MROH9: variants seen among roughly 807,000 people sequenced by gnomAD.
The protein encoded by MROH9 is maestro heat-like repeat-containing protein family member 9.
A neutral mutation model predicts 98.2 loss-of-function variants in MROH9; 92 were observed. That is an observed-to-expected ratio of 0.94 (90% CI 0.79 to 1.11). MROH9 has a LOEUF of 1.11. Ranked by LOEUF, MROH9 falls within the 50% of genes most tolerant of loss-of-function variation. MROH9 has a pLI of 0.00. For synonymous variants in MROH9, 397 were observed against 368.9 expected, an observed-to-expected ratio of 1.08 and a Z score of -0.87; for missense variants, 1,057 against 1,014.8, an observed-to-expected ratio of 1.04 and a Z score of -0.57.
At chr1:170,941,478 C>A (rs1468288026) in intron 1 of MROH9, among the ~76,000 whole-genome samples, 2 of 152,050 alleles carry the variant, frequency 1.3e-5, no homozygotes, top group African/African-American at 4.8e-5. Context: ...ATTTAATAGG[C>A]CTCCTATCTG....
intron 12 of MROH9, among the ~76,000 whole-genome samples, chr1:170,993,539 C>A (rs951262025): frequency 2.0e-5 from 3 of 152,116 alleles, no homozygotes; most frequent in African/African-American, 2.4e-5. Flanking sequence ...TCTATGAGTG[C>A]ATGTGAAATA....
intron 21 of MROH9, 81 bp from the exon 22 acceptor site, chr1:171,064,018 G>A (rs781383266): frequency 1.2e-4 from 162 of 1,367,110 alleles, no homozygotes; most frequent in Non-Finnish European, 1.6e-4. Flanking sequence ...TCTGTGAAAG[G>A]TGGCAGGGCT....
intron 1 of MROH9, among the ~76,000 whole-genome samples, chr1:170,936,323 T>C (rs1346640070): frequency 6.6e-6 from 1 of 152,126 alleles, no homozygotes; most frequent in Non-Finnish European, 1.5e-5. Flanking sequence ...TCCAGCCTGG[T>C]TCTGAGGATC....
At chr1:171,003,663 C>G (rs1404786148) in intron 15 of MROH9, among the ~76,000 whole-genome samples, 1 of 152,122 alleles carries the variant, frequency 6.6e-6, no homozygotes, top group Non-Finnish European at 1.5e-5. Context: ...GTGCAATGGA[C>G]TCTGTGAGGA....
intron 20 of MROH9, among the ~76,000 whole-genome samples, chr1:171,052,208 T>C (rs1195671991): frequency 6.6e-6 from 1 of 152,240 alleles, no homozygotes; most frequent in Admixed American, 6.5e-5. Flanking sequence ...TGATGATCTT[T>C]TGTATTCCTG....
chr1:170,938,986 C>G (rs755390230), intron 1 of MROH9, among the ~76,000 whole-genome samples: 5 of 152,162 alleles, frequency 3.3e-5, no homozygotes, highest in Admixed American at 6.5e-5. Context: ...TGCTCATGAG[C>G]CTATTGGGTG....
chr1:171,025,158 G>A (rs563493520), intron 19 of MROH9, among the ~76,000 whole-genome samples, 160 bp from the exon 20 acceptor site: 69 of 152,294 alleles, frequency 4.5e-4, no homozygotes, highest in African/African-American at 1.6e-3. Context: ...ATCAAAGAAT[G>A]GAAAAAGAGA....
intron 20 of MROH9, among the ~76,000 whole-genome samples, chr1:171,041,408 T>TACACAC (rs137951871): frequency 0.11 from 10,948 of 102,814 alleles, 868 homozygotes; most frequent in East Asian, 0.29. Flanking sequence ...TCAAGATACA[T>TACACAC]ACACACACAC....
chr1:171,054,207 T>A (rs1368104589), intron 20 of MROH9, among the ~76,000 whole-genome samples: 2 of 152,244 alleles, frequency 1.3e-5, no homozygotes, highest in East Asian at 1.9e-4. Flanking sequence ...TGAAGCAGAA[T>A]AGAGAACCCA....
intron 20 of MROH9, among the ~76,000 whole-genome samples, chr1:171,055,300 G>C (rs958607180): frequency 6.6e-6 from 1 of 152,218 alleles, no homozygotes; most frequent in Admixed American, 6.5e-5. Flanking sequence ...ATAAGTGGGA[G>C]CTAGGCTATG....
chr1:170,991,475 G>A (rs1458210267), intron 11 of MROH9, among the ~76,000 whole-genome samples: 1 of 152,140 alleles, frequency 6.6e-6, no homozygotes, highest in Non-Finnish European at 1.5e-5. Flanking sequence ...TGAGCAATAA[G>A]TGTCAGAACC....
intron 7 of MROH9, among the ~76,000 whole-genome samples, chr1:170,968,824 G>A (rs1650330928): frequency 6.6e-6 from 1 of 152,004 alleles, no homozygotes; most frequent in Non-Finnish European, 1.5e-5. Context: ...AAAGACATAG[G>A]TACATACTAA....
intron 12 of MROH9, among the ~76,000 whole-genome samples, chr1:170,993,692 C>A (rs2101810864): frequency 6.6e-6 from 1 of 152,194 alleles, no homozygotes; most frequent in African/African-American, 2.4e-5. Context: ...TGAACATATT[C>A]TCCAGGGAGA....
At chr1:170,953,959 C>A (rs1039375682) in intron 3 of MROH9, among the ~76,000 whole-genome samples, 2 of 151,808 alleles carry the variant, frequency 1.3e-5, no homozygotes, top group Non-Finnish European at 2.9e-5. Context: ...TCAGCCATTT[C>A]TCTAGGTCAC....
intron 9 of MROH9, among the ~76,000 whole-genome samples, chr1:170,985,241 C>A (rs1242067854): frequency 5.3e-5 from 8 of 152,124 alleles, no homozygotes. Flanking sequence ...GTGAGAAGAG[C>A]TTCTTCACAG....
At chr1:171,042,392 T>C (rs1653337068) in intron 20 of MROH9, among the ~76,000 whole-genome samples, 1 of 152,164 alleles carries the variant, frequency 6.6e-6, no homozygotes, top group Admixed American at 6.6e-5. Flanking sequence ...CATTAATCTG[T>C]TGATGAACAT....
intron 17 of MROH9, among the ~76,000 whole-genome samples, chr1:171,021,423 C>T (rs766264679): frequency 4.0e-4 from 61 of 151,850 alleles, no homozygotes; most frequent in Admixed American, 7.9e-4. Context: ...TATAGACCAA[C>T]GAAACAGAAC....
intron 20 of MROH9, among the ~76,000 whole-genome samples, chr1:171,058,636 C>T (rs922128280): frequency 3.3e-5 from 5 of 152,080 alleles, no homozygotes; most frequent in African/African-American, 1.2e-4. Context: ...GGTACTGGTA[C>T]AAAAACAGAC....
chr1:171,052,676 T>C (rs755958844), intron 20 of MROH9, among the ~76,000 whole-genome samples: 55 of 152,116 alleles, frequency 3.6e-4, no homozygotes, highest in Non-Finnish European at 7.5e-4. Flanking sequence ...GCCCACGGAA[T>C]GGCAGGGGCA....
Sources: gnomAD v4.1 joint callset for allele counts (sites outside exome capture counted in the v4.1 genomes callset) on GRCh38, gnomAD v4.1.1 for gene constraint, MANE v1.5 for transcripts, NCBI Gene and HGNC (gene_info 2026-07-23, HGNC 2026-07-21) for gene names.